The following RUNX3 variants were observed in gnomAD, a reference collection of about 807,000 sequenced individuals.
RUNX3 encodes RUNX family transcription factor 3.
Under a neutral mutation model 27.7 loss-of-function variants are expected in RUNX3, and 10 were observed. The observed-to-expected ratio is 0.36, with a 90% CI of 0.22 to 0.61. The LOEUF is 0.61. Ranked by LOEUF, RUNX3 falls within the 20% of genes least tolerant of loss-of-function variation. The pLI, the probability that RUNX3 is intolerant of heterozygous loss-of-function variation, is 0.72. For missense variants in RUNX3, 469 were observed against 629.5 expected, an observed-to-expected ratio of 0.75 and a Z score of 2.73; for synonymous variants, 270 against 269.2, an observed-to-expected ratio of 1.00 and a Z score of -0.03.
chr1:24,911,087 T>C (rs1298532150), intron 3 of RUNX3, among the ~76,000 whole-genome samples: 1 of 152,228 alleles, frequency 6.6e-6, no homozygotes, highest in African/African-American at 2.4e-5. Flanking sequence ...TCCTTGCTCC[T>C]GAGGCCACTG....
At chr1:24,933,696 TC>T (rs1641283752), upstream of RUNX3, among the ~76,000 whole-genome samples, 1 of 152,084 alleles carries the variant, frequency 6.6e-6, no homozygotes, top group Non-Finnish European at 1.5e-5. Flanking sequence ...GTCTGACCAT[TC>T]CTCTCAGAAC....
At chr1:24,928,938 A>AAAAATG in intron 1 of RUNX3, 1 of 418,270 alleles carries the variant, frequency 2.4e-6, no homozygotes, top group Non-Finnish European at 4.7e-6. Flanking sequence ...GCCCCCTTAA[A>AAAAATG]AAAATGAAAA....
chr1:24,919,644 G>A (rs1640957584), intron 2 of RUNX3, among the ~76,000 whole-genome samples: 2 of 151,998 alleles, frequency 1.3e-5, no homozygotes, highest in South Asian at 2.1e-4. Context: ...AGACCCACAC[G>A]ATTTTGTGGT....
chr1:24,917,563 A>G (rs1640913501), intron 3 of RUNX3, among the ~76,000 whole-genome samples: 1 of 152,182 alleles, frequency 6.6e-6, no homozygotes, highest in Non-Finnish European at 1.5e-5. Context: ...TGAGGCCCAG[A>G]GAGGTCAGTG....
chr1:24,964,779 T>A, intron 1 of RUNX3: 4 of 1,273,982 alleles, frequency 3.1e-6, no homozygotes, highest in Non-Finnish European at 1.0e-6. Flanking sequence ...AACGCGAGAG[T>A]GTGTGTGAGT....
upstream of RUNX3, among the ~76,000 whole-genome samples, chr1:24,933,731 G>A (rs1557849271): frequency 6.6e-6 from 1 of 152,158 alleles, no homozygotes; most frequent in East Asian, 1.9e-4. Context: ...CCAGCCGGCC[G>A]CCCTCCTGTG....
Position 24,923,764 on chromosome 1 carries a change from T to TC in RUNX3, c.439+3809dup, listed in dbSNP as rs1641043583. On this transcript the variant is annotated intron_variant, in intron 2 of 4. Transcript: ENST00000308873. This position sits in a 1 kb window ranked among gnomAD's most constrained non-coding sequence, Gnocchi z 5.9. ...CTTCAGCCAAGAAGCCATTCATCTC[T>TC]CCCCCAACCAGCGGTTCCCCTCAGC... 6.6e-6 allele frequency among the ~76,000 whole-genome samples: 1 copy of TC among 152,132 alleles called. No individual in the cohort carries two copies. Among genetic ancestry groups the TC allele is most frequent in the African/African-American group, 2.4e-5 (1 of 41,504 alleles).
upstream of RUNX3, among the ~76,000 whole-genome samples, chr1:24,934,729 T>C (rs1641309488): frequency 6.6e-6 from 1 of 152,104 alleles, no homozygotes; most frequent in South Asian, 2.1e-4. Context: ...TGGTTCAAAA[T>C]GTGGGGCATG....
Position 24,962,634 on chromosome 1 carries a change from C to A in RUNX3, c.58+1880G>T, listed in dbSNP as rs1369551014. Among the ~76,000 whole-genome samples the A allele has an allele frequency of 6.6e-6, 1 of 152,190 alleles. No homozygotes were observed. Among genetic ancestry groups the A allele is most frequent in the Non-Finnish European group, 1.5e-5 (1 of 68,032 alleles). On this transcript the variant is annotated intron_variant, in intron 2 of 6. Transcript: ENST00000338888. The surrounding 1 kb of genome is among the most constrained non-coding windows in gnomAD (Gnocchi z 4.5). ...GAGGGAAGGCCCTCGGGCCACAGAC[C>A]CCAGATCCAAACATCTCCACAGACC...
Position 24,930,236 on chromosome 1 carries a change from G to A in RUNX3, c.-368C>T. The A allele has an allele frequency of 1.0e-6, 1 of 982,954 alleles. No homozygotes were observed. Among genetic ancestry groups the A allele is most frequent in the Non-Finnish European group, 1.2e-6 (1 of 828,932 alleles). The allele number at this position is 982,954 out of a possible 1,614,324, so 60.9% of individuals were successfully genotyped here. A position where few individuals can be genotyped will look rare whatever the true frequency, so the allele number is the denominator to read the frequency against. ...GCTCGCCCGCGGCCGCCCCGACTCC[G>A]CGGCCGCAGCCCCAGAACAAATCCT... On this transcript the variant is annotated 5_prime_UTR_variant, in exon 1 of 5. Coordinates refer to ENST00000308873, the MANE Select transcript of RUNX3 (RefSeq NM_004350.3). The surrounding 1 kb of genome is among the most constrained non-coding windows in gnomAD (Gnocchi z 4.1).
chr1:24,946,025 G>T (rs1038174925), intron 2 of RUNX3, among the ~76,000 whole-genome samples: 1 of 152,102 alleles, frequency 6.6e-6, no homozygotes, highest in Non-Finnish European at 1.5e-5. Flanking sequence ...GGCTTTAGGG[G>T]GGTTCCCAGA....
intron 3 of RUNX3, among the ~76,000 whole-genome samples, chr1:24,912,865 C>T (rs920888937): frequency 6.6e-6 from 1 of 151,958 alleles, no homozygotes; most frequent in Non-Finnish European, 1.5e-5. Context: ...TGTATCGGGA[C>T]TCCACAATAG....
chr1:24,907,869 G>C (rs968390974), intron 3 of RUNX3, among the ~76,000 whole-genome samples: 18 of 150,876 alleles, frequency 1.2e-4, no homozygotes, highest in Non-Finnish European at 2.1e-4. Context: ...AACACACTGT[G>C]ATGTAAACCT....
upstream of RUNX3, among the ~76,000 whole-genome samples, chr1:24,930,646 T>G (rs1439919548): frequency 6.6e-6 from 1 of 152,126 alleles, no homozygotes; most frequent in Non-Finnish European, 1.5e-5. This position sits in a 1 kb window ranked among gnomAD's most constrained non-coding sequence, Gnocchi z 4.1. Flanking sequence ...CGGCCGGGCT[T>G]CCCCAGCTCT....
chr1:24,929,158 G>A (rs1557846421), intron 1 of RUNX3: 1 of 467,940 alleles, frequency 2.1e-6, no homozygotes, highest in Admixed American at 2.3e-5. Flanking sequence ...CTTTTGCGAA[G>A]CGGCGCGGGA....
At position 24,958,175 on chromosome 1, in the gene RUNX3, T is replaced by A. The variant is rs7527098; in HGVS notation, c.58+6339A>T. On this transcript the variant is annotated intron_variant, in intron 2 of 6. Coordinates refer to the RUNX3 transcript ENST00000338888. ...CAGGTGCCACATGCGGGGCTCAGGG[T>A]AGGGCCACAGTTGCTCCTCCCAACC... Among the ~76,000 whole-genome samples, 127 of 152,216 alleles carry A rather than the reference T, an allele frequency of 8.3e-4. 2 individuals are homozygous for A. Among genetic ancestry groups the A allele is most frequent in the African/African-American group, 3.0e-3 (123 of 41,562 alleles).
intron 2 of RUNX3, among the ~76,000 whole-genome samples, chr1:24,937,386 C>T (rs1324346162): frequency 1.3e-5 from 2 of 152,228 alleles, no homozygotes; most frequent in Non-Finnish European, 2.9e-5. Flanking sequence ...GACCACAAAT[C>T]CACCCCTCAT....
At chr1:24,925,614 C>G (rs1251551265) in intron 2 of RUNX3, among the ~76,000 whole-genome samples, 2 of 152,156 alleles carry the variant, frequency 1.3e-5, no homozygotes, top group Non-Finnish European at 2.9e-5. Flanking sequence ...GACTCAAACG[C>G]AGGGTGGCTG....
intron 3 of RUNX3, among the ~76,000 whole-genome samples, chr1:24,907,942 G>A (rs909791765): frequency 6.6e-6 from 1 of 151,304 alleles, no homozygotes; most frequent in East Asian, 2.0e-4. Context: ...ACAACACGCG[G>A]TGATCTAAAC....
Sources: allele counts gnomAD v4.1 joint callset (sites outside exome capture counted in the v4.1 genomes callset), GRCh38; gene constraint gnomAD v4.1.1; non-coding constraint Gnocchi (gnomAD v3.1); transcripts MANE v1.5; gene names NCBI Gene and HGNC (gene_info 2026-07-23, HGNC 2026-07-21).